Variants in PCDHGA12 observed in about 807,000 individuals in gnomAD.
PCDHGA12 encodes the protein protocadherin gamma subfamily A, 12.
PCDHGA12 carries 43 observed loss-of-function variants against 61.1 expected under a neutral mutation model. That is an observed-to-expected ratio of 0.70 (90% CI 0.55 to 0.91). PCDHGA12 has a LOEUF of 0.91. Among genes scored for constraint, PCDHGA12 ranks in the 40% least tolerant of loss-of-function variants. The probability of loss-of-function intolerance (pLI) is 0.00; values close to 1 mark genes in which losing one functional copy is unlikely to be tolerated. For missense variants in PCDHGA12, 1,236 were observed against 1,227.7 expected (o/e 1.01, Z -0.10); for synonymous variants, 520 against 542.9 (o/e 0.96, Z 0.59).
chr5:141,485,067 C>G lies in PCDHGA12; in HGVS notation c.2425-9740C>G, dbSNP rs944494894. On this transcript the variant is annotated intron_variant, in intron 1 of 3. Transcript: ENST00000252085. This position sits in a 1 kb window ranked among gnomAD's most constrained non-coding sequence, Gnocchi z 5.7. Reference sequence around the variant, plus strand: ...CGGCGCCGGCCGAACCGCGCCAGAGCTGGCGCGGGGAAAGGGAGATAGGTG... The same window carrying G: ...CGGCGCCGGCCGAACCGCGCCAGAGGTGGCGCGGGGAAAGGGAGATAGGTG... 21 of 894,418 alleles carry G rather than the reference C, an allele frequency of 2.3e-5. No individual in the cohort carries two copies. The highest frequency in any genetic ancestry group is 1.8e-4 in the Admixed American group (8 of 43,320). 55.4% of individuals were successfully genotyped at this position (894,418 alleles called of 1,614,324 possible). A position where few individuals can be genotyped will look rare whatever the true frequency, so the allele number is the denominator to read the frequency against.
chr5:141,430,713 T>G lies in PCDHGA12; in HGVS notation c.-47T>G. ...ATGGGCGAAGGAACTGCTCCTGACTTCAGTGGTTAAGGGCAGAATTGAAAA... is the reference window on the plus strand; with the variant it reads ...ATGGGCGAAGGAACTGCTCCTGACTGCAGTGGTTAAGGGCAGAATTGAAAA... On this transcript the variant is annotated 5_prime_UTR_variant, in exon 1 of 4. Transcript: ENST00000252085. 1 of 1,481,944 alleles carries G rather than the reference T, an allele frequency of 6.7e-7. No homozygotes were observed. Among genetic ancestry groups the G allele is most frequent in the Non-Finnish European group, 9.0e-7 (1 of 1,117,220 alleles). 91.8% of individuals were successfully genotyped at this position (1,481,944 alleles called of 1,614,324 possible).
intron 1 of PCDHGA12, among the ~76,000 whole-genome samples, chr5:141,473,132 T>C (rs2099314792): frequency 6.6e-6 from 1 of 152,230 alleles, no homozygotes; most frequent in Non-Finnish European, 1.5e-5. Context: ...TGGCAAACTA[T>C]ATTATCTCTT....
chr5:141,503,630 A>G, intron 2 of PCDHGA12, among the ~76,000 whole-genome samples: 1 of 152,088 alleles, frequency 6.6e-6, no homozygotes, highest in Admixed American at 6.6e-5. Flanking sequence ...AAGAAAAGAA[A>G]TAATTATTGA....
intron 1 of PCDHGA12, among the ~76,000 whole-genome samples, chr5:141,455,769 C>T (rs1371335785): frequency 2.6e-5 from 4 of 152,014 alleles, no homozygotes; most frequent in Admixed American, 2.6e-4. Flanking sequence ...AGAGCCGGGG[C>T]TTTAAAAGAA....
At chr5:141,463,108 T>G (rs1212278355) in intron 1 of PCDHGA12, among the ~76,000 whole-genome samples, 1 of 152,202 alleles carries the variant, frequency 6.6e-6, no homozygotes, top group Non-Finnish European at 1.5e-5. Flanking sequence ...CATCAAGAAT[T>G]CAGCTAATAG....
At chr5:141,471,506 G>A (rs2099258630) in intron 1 of PCDHGA12, 1 of 152,214 alleles carries the variant, frequency 6.6e-6, no homozygotes, top group South Asian at 2.1e-4. Flanking sequence ...GCAAGAGAGG[G>A]AGTAAAAATA....
In PCDHGA12 at chr5:141,512,739, T is replaced by C. The variant is rs1251649814; in HGVS notation, c.*1566T>C. The stretch of plus-strand genomic sequence containing the variant: ...GGCGGGTGGGCAGCGGGCGGCGGGC[T>C]CCGCGCAGCCGTCTGTCCTTGATCT... On this transcript the variant is annotated 3_prime_UTR_variant, in exon 4 of 4. Transcript: ENST00000252085. 1 of 152,822 alleles carries C rather than the reference T, an allele frequency of 6.5e-6. No individual in the cohort carries two copies. The highest frequency in any genetic ancestry group is 2.4e-5 in the African/African-American group (1 of 41,464). 9.5% of individuals were successfully genotyped at this position (152,822 alleles called of 1,614,324 possible).
At position 141,486,484 on chromosome 5, in the gene PCDHGA12, C is replaced by G. The variant is rs200150307; in HGVS notation, c.2425-8323C>G. ...ATGCTGGGAACCCTCCTCTCAGTAC[C>G]CACAGAACTATTTTCCTCAATATTT... On this transcript the variant is annotated intron_variant, in intron 1 of 3. Transcript: ENST00000252085. The surrounding 1 kb of genome is among the most constrained non-coding windows in gnomAD (Gnocchi z 5.0). The G allele has an allele frequency of 2.8e-5, 45 of 1,614,102 alleles. No homozygotes were observed. In the Admixed American group the frequency reaches 5.5e-4, roughly 20 times the overall value.
chr5:141,469,283 T>C (rs576231993), intron 1 of PCDHGA12, among the ~76,000 whole-genome samples: 1 of 149,898 alleles, frequency 6.7e-6, no homozygotes, highest in African/African-American at 2.5e-5. Flanking sequence ...TCTCAAAAAA[T>C]AAAACAAAAT....
rs1292747996 is a variant in PCDHGA12, at chr5:141,475,972, T to C, written c.2425-18835T>C. 2.0e-5 allele frequency: 19 copies of C among 963,712 alleles called. No individual in the cohort carries two copies. In the East Asian group the frequency reaches 3.4e-4, roughly 17 times the overall value. The allele number at this position is 963,712 out of a possible 1,614,324, so 59.7% of individuals were successfully genotyped here. A position where few individuals can be genotyped will look rare whatever the true frequency, so the allele number is the denominator to read the frequency against. ...CTGCGCCCCGGGATGAGGCAGAGAC[T>C]GAACAGCCGGCGAGCAAATCAACGG... On this transcript the variant is annotated intron_variant, in intron 1 of 3. Transcript: ENST00000252085.
At chr5:141,475,512 C>A (rs2099364350) in intron 1 of PCDHGA12, among the ~76,000 whole-genome samples, 2 of 152,326 alleles carry the variant, frequency 1.3e-5, no homozygotes, top group South Asian at 4.1e-4. Context: ...AATGTCTCCA[C>A]GGAAATGCTA....
At chr5:141,510,525 G>A (rs545854649) in intron 3 of PCDHGA12, among the ~76,000 whole-genome samples, 1 of 152,316 alleles carries the variant, frequency 6.6e-6, no homozygotes, top group African/African-American at 2.4e-5. Context: ...ACAGCCCTGA[G>A]AGAAATACCA....
intron 1 of PCDHGA12, among the ~76,000 whole-genome samples, chr5:141,465,119 A>T (rs2099097382): frequency 6.6e-6 from 1 of 151,780 alleles, no homozygotes; most frequent in Non-Finnish European, 1.5e-5. Flanking sequence ...GTTTTAGCCT[A>T]AATTTGTAAA....
intron 1 of PCDHGA12, chr5:141,478,451 G>A (rs377597887): frequency 2.5e-6 from 4 of 1,613,440 alleles, no homozygotes; most frequent in African/African-American, 2.7e-5. Context: ...ACCTGGTGCA[G>A]CCAGTCCACT....
At chr5:141,479,862 C>T (rs2099508997) in intron 1 of PCDHGA12, among the ~76,000 whole-genome samples, 1 of 152,170 alleles carries the variant, frequency 6.6e-6, no homozygotes, top group Non-Finnish European at 1.5e-5. Flanking sequence ...GGCCTTTGCC[C>T]TGGAGAGAAC....
intron 1 of PCDHGA12, among the ~76,000 whole-genome samples, chr5:141,450,639 A>T (rs1390959433): frequency 6.6e-6 from 1 of 151,390 alleles, no homozygotes; most frequent in Non-Finnish European, 1.5e-5. Flanking sequence ...GATGCCTGCC[A>T]CCATGCCTGG....
intron 1 of PCDHGA12, among the ~76,000 whole-genome samples, chr5:141,470,239 A>G (rs978204909): frequency 1.3e-5 from 2 of 152,232 alleles, no homozygotes; most frequent in African/African-American, 2.4e-5. Flanking sequence ...AAACCCTTGA[A>G]TGTCCCACCT....
Position 141,430,767 on chromosome 5 carries a change from C to T in PCDHGA12, c.8C>T (p.Pro3Leu). Residue 3 changes from proline (P) to leucine (L), a missense_variant, in exon 1 of 4, where the codon CCT becomes CTT. Transcript: ENST00000252085. The stretch of plus-strand genomic sequence containing the variant: ...TTCTGGAGGAAGATAAGAATGATTC[C>T]TGCGCGACTGCACCGGGACTACAAA... Reference protein sequence around the residue: MIPARLHRDYKGL... With the variant: MILARLHRDYKGL... 6.6e-7 allele frequency: 1 copy of T among 1,506,782 alleles called. No homozygotes were observed. Among genetic ancestry groups the T allele is most frequent in the Non-Finnish European group, 8.9e-7 (1 of 1,129,246 alleles). 93.3% of individuals were successfully genotyped at this position (1,506,782 alleles called of 1,614,324 possible).
chr5:141,485,587 G>C lies in PCDHGA12; in HGVS notation c.2425-9220G>C. 6.2e-7 allele frequency: 1 copy of C among 1,612,652 alleles called. No individual in the cohort carries two copies. The highest frequency in any genetic ancestry group is 1.7e-5 in the Admixed American group (1 of 59,982). On this transcript the variant is annotated intron_variant, in intron 1 of 3. Coordinates refer to ENST00000252085, the MANE Select transcript of PCDHGA12 (RefSeq NM_003735.3). This position sits in a 1 kb window ranked among gnomAD's most constrained non-coding sequence, Gnocchi z 5.7. ...CCCCCCGTTTTCCGCGGCAGCAGCT[G>C]GACTTGGAAATTGGGGAGGCAGCTC... is the stretch of plus-strand genomic sequence containing the variant.
Sources: gnomAD v4.1 joint callset for allele counts (sites outside exome capture counted in the v4.1 genomes callset) on GRCh38, gnomAD v4.1.1 for gene constraint, Gnocchi (gnomAD v3.1) non-coding constraint, MANE v1.5 for transcripts, NCBI Gene and HGNC (gene_info 2026-07-23, HGNC 2026-07-21) for gene names.